The following PDS5B variants were observed in gnomAD, a reference collection of about 807,000 sequenced individuals.
PDS5B encodes sister chromatid cohesion protein PDS5 homolog B.
A neutral mutation model predicts 184.1 loss-of-function variants in PDS5B; 51 were observed. That is an observed-to-expected ratio of 0.28 (90% CI 0.22 to 0.35). The LOEUF (loss-of-function observed/expected upper bound fraction) is 0.35. Among genes scored for constraint, PDS5B ranks in the 10% least tolerant of loss-of-function variants. The pLI, the probability that PDS5B is intolerant of heterozygous loss-of-function variation, is 1.00. For missense variants in PDS5B, 1,180 were observed against 1,723.3 expected, an observed-to-expected ratio of 0.68 and a Z score of 5.58; for synonymous variants, 566 against 569.2, an observed-to-expected ratio of 0.99 and a Z score of 0.08.
At chr13:32,738,791 C>A (rs538025741) in intron 21 of PDS5B, among the ~76,000 whole-genome samples, 1 of 152,094 alleles carries the variant, frequency 6.6e-6, no homozygotes, top group Non-Finnish European at 1.5e-5. Context: ...CCTGTCTCAG[C>A]CTCCCGAGTA....
chr13:32,644,188 T>C (rs1418325720), intron 1 of PDS5B, among the ~76,000 whole-genome samples: 7 of 152,348 alleles, frequency 4.6e-5, no homozygotes, highest in South Asian at 4.1e-4. Flanking sequence ...TGGTGACTTA[T>C]GCTTGTTATG....
At chr13:32,728,071 T>C (rs1409689978) in intron 19 of PDS5B, among the ~76,000 whole-genome samples, 1 of 151,982 alleles carries the variant, frequency 6.6e-6, no homozygotes, top group African/African-American at 2.4e-5. Flanking sequence ...ATAATCTGCT[T>C]TTAATTCCAT....
chr13:32,754,524 C>T (rs1331873128), intron 25 of PDS5B, among the ~76,000 whole-genome samples: 1 of 152,126 alleles, frequency 6.6e-6, no homozygotes. Flanking sequence ...ACATGGTTGA[C>T]ACCTTTTGAA....
chr13:32,672,435 C>T (rs1323459201), intron 7 of PDS5B, among the ~76,000 whole-genome samples: 1 of 151,928 alleles, frequency 6.6e-6, no homozygotes, highest in Non-Finnish European at 1.5e-5. Context: ...TGTATGTATA[C>T]ACACACACAG....
chr13:32,709,842 T>C (rs1952147836), intron 18 of PDS5B, 104 bp from the exon 19 acceptor site: 1 of 646,394 alleles, frequency 1.5e-6, no homozygotes. Flanking sequence ...ACATAATTTT[T>C]TTTAATAGAC....
At chr13:32,768,555 G>C (rs1202884943) in intron 31 of PDS5B, among the ~76,000 whole-genome samples, 4 of 152,140 alleles carry the variant, frequency 2.6e-5, no homozygotes, top group South Asian at 2.1e-4. Context: ...CACTTTGGGA[G>C]GCCGAGGCAG....
intron 1 of PDS5B, among the ~76,000 whole-genome samples, chr13:32,641,006 G>A (rs1252153033): frequency 6.8e-6 from 1 of 147,968 alleles, no homozygotes; most frequent in Non-Finnish European, 1.5e-5. Context: ...GCAGTGAGCC[G>A]AGATCACGCC....
chr13:32,653,983 C>T (rs1284020133), intron 3 of PDS5B, among the ~76,000 whole-genome samples: 1 of 152,190 alleles, frequency 6.6e-6, no homozygotes, highest in African/African-American at 2.4e-5. Context: ...AGAATAGCTA[C>T]ATATCTGTTC....
chr13:32,739,973 T>C (rs1474826136), intron 21 of PDS5B, among the ~76,000 whole-genome samples: 2 of 152,114 alleles, frequency 1.3e-5, no homozygotes, highest in East Asian at 3.8e-4. Flanking sequence ...AGTTTCTTAT[T>C]TATGTAAGGT....
At chr13:32,593,541 A>G (rs2057808926) in intron 1 of PDS5B, among the ~76,000 whole-genome samples, 2 of 152,196 alleles carry the variant, frequency 1.3e-5, no homozygotes, top group Non-Finnish European at 2.9e-5. Context: ...GGGTTTCGCC[A>G]TGTTGGCCAG....
At chr13:32,696,004 C>T (rs1043740907) in intron 14 of PDS5B, among the ~76,000 whole-genome samples, 1 of 152,002 alleles carries the variant, frequency 6.6e-6, no homozygotes, top group African/African-American at 2.4e-5. Flanking sequence ...TTGTTCCCCC[C>T]AAATAAAACA....
At position 32,678,859 on chromosome 13, in the gene PDS5B, C is replaced by A. The variant is rs575047428; in HGVS notation, c.987C>A (p.Ile329=). Residue 329 remains isoleucine (I), a synonymous_variant, in exon 10 of 35, where the codon ATC becomes ATA. Coordinates refer to ENST00000315596, the MANE Select transcript of PDS5B (RefSeq NM_015032.4). ...GGTTTAATGATATCCATGTACCAAT[C>A]CGCCTGGAATGTGTGAAATTTGCTA... ...LGRFNDIHVP[I]RLECVKFASH... 2.3e-5 allele frequency: 37 copies of A among 1,605,660 alleles called. No individual in the cohort carries two copies. In the South Asian group the frequency reaches 3.5e-4, roughly 15 times the overall value.
intron 1 of PDS5B, among the ~76,000 whole-genome samples, chr13:32,637,410 A>AT (rs1279733945): frequency 6.6e-6 from 1 of 152,070 alleles, no homozygotes; most frequent in Non-Finnish European, 1.5e-5. Context: ...AAGAATGAGG[A>AT]TTTTTTTGGA....
intron 30 of PDS5B, chr13:32,763,382 A>G (rs1954475869): frequency 1.3e-5 from 2 of 152,832 alleles, no homozygotes; most frequent in African/African-American, 2.4e-5. Flanking sequence ...ATCATAATCT[A>G]TGGCAGGGAT....
In PDS5B at chr13:32,764,688, C is replaced by CATTTT. The variant is rs541485264; in HGVS notation, c.3624+111_3624+115dup. 5.1e-4 allele frequency: 310 copies of CATTTT among 610,648 alleles called. No homozygotes were observed. The Admixed American group carries it at 8.9e-3, about 18-fold the overall frequency. 37.8% of individuals were successfully genotyped at this position (610,648 alleles called of 1,614,324 possible). Reference sequence around the variant, plus strand: ...CCAGTTAACATGACTATCAAATTTACATTTTATTTTATTTTATTTTAGTGG... The same window carrying CATTTT: ...CCAGTTAACATGACTATCAAATTTACATTTTATTTTATTTTATTTTATTTTAGTGG... On this transcript the variant is annotated intron_variant, in intron 31 of 34. Transcript: ENST00000315596.
intron 29 of PDS5B, 63 bp from the exon 30 acceptor site, chr13:32,760,512 C>G (rs990109611): frequency 2.1e-5 from 31 of 1,490,092 alleles, no homozygotes; most frequent in Middle Eastern, 1.8e-4. Context: ...ATTTATGGTT[C>G]TTTACACGTA....
At chr13:32,716,908 G>A (rs1364178697) in intron 19 of PDS5B, among the ~76,000 whole-genome samples, 2 of 103,002 alleles carry the variant, frequency 1.9e-5, no homozygotes, top group Non-Finnish European at 4.4e-5. Flanking sequence ...TTGCCTGGCC[G>A]CCCCTACTGG....
At chr13:32,738,175 A>C (rs1953406066) in intron 21 of PDS5B, among the ~76,000 whole-genome samples, 1 of 152,114 alleles carries the variant, frequency 6.6e-6, no homozygotes, top group South Asian at 2.1e-4. Flanking sequence ...TGCTGCTATG[A>C]ATGTTTCTAT....
chr13:32,622,379 G>GATT (rs1421852786), intron 1 of PDS5B, among the ~76,000 whole-genome samples: 1 of 151,464 alleles, frequency 6.6e-6, no homozygotes, highest in Non-Finnish European at 1.5e-5. Flanking sequence ...TTACTGACTT[G>GATT]ATTACATTTT....
Sources: gnomAD v4.1 joint callset for allele counts (sites outside exome capture counted in the v4.1 genomes callset) on GRCh38, gnomAD v4.1.1 for gene constraint, MANE v1.5 for transcripts, NCBI Gene and HGNC (gene_info 2026-07-23, HGNC 2026-07-21) for gene names.